The following MAP2K5 variants were observed in gnomAD, a reference collection of about 807,000 sequenced individuals.
MAP2K5 encodes the protein mitogen-activated protein kinase kinase 5.
In MAP2K5, 49 loss-of-function variants were observed where a neutral mutation model predicts 83.1. That is an observed-to-expected ratio of 0.59 (90% CI 0.47 to 0.75). The LOEUF is 0.75. MAP2K5 is among the 30% of genes least tolerant of loss of function. MAP2K5 has a pLI of 0.00. For synonymous variants in MAP2K5, 202 were observed against 191.8 expected, an observed-to-expected ratio of 1.05 and a Z score of -0.44; for missense variants, 457 against 557.5, an observed-to-expected ratio of 0.82 and a Z score of 1.82.
intron 1 of MAP2K5, chr15:67,546,434 C>T (rs1355952362): frequency 5.0e-6 from 1 of 199,188 alleles, no homozygotes; most frequent in Non-Finnish European, 9.0e-6. Context: ...AACTGAGTGT[C>T]TCGGACCTGA....
intron 21 of MAP2K5, among the ~76,000 whole-genome samples, chr15:67,797,499 G>A (rs1388121138): frequency 1.3e-5 from 2 of 152,176 alleles, no homozygotes; most frequent in African/African-American, 4.8e-5. Flanking sequence ...GAGATATTCT[G>A]TTGCCCTCTA....
At chr15:67,669,276 ATAAG>A (rs556040311) in intron 13 of MAP2K5, among the ~76,000 whole-genome samples, 47 of 152,288 alleles carry the variant, frequency 3.1e-4, no homozygotes, top group South Asian at 4.1e-4. Context: ...AACATACATA[ATAAG>A]TAAGTAAAAT....
rs151222203 is a variant in MAP2K5, at chr15:67,733,199, G to C, written c.1074+5254G>C. ...TATGGTTCACTCTGAAATCCTTGAA[G>C]ACATCAGACTTGATCTGATGTTTAT... On this transcript the variant is annotated intron_variant, in intron 17 of 21. Coordinates refer to ENST00000178640, the MANE Select transcript of MAP2K5 (RefSeq NM_145160.3). Among the ~76,000 whole-genome samples the C allele has an allele frequency of 3.6e-3, 554 of 152,292 alleles. 5 individuals are homozygous for C. Among genetic ancestry groups the C allele is most frequent in the African/African-American group, 0.012 (517 of 41,566 alleles).
intron 12 of MAP2K5, among the ~76,000 whole-genome samples, 158 bp from the exon 13 acceptor site, chr15:67,664,439 T>A (rs1245631019): frequency 6.7e-6 from 1 of 149,292 alleles, no homozygotes; most frequent in Non-Finnish European, 1.5e-5. Context: ...AGGTCAAGGC[T>A]ACAGTGAGCA....
chr15:67,663,306 T>C (rs2141150887), intron 12 of MAP2K5, among the ~76,000 whole-genome samples: 1 of 152,334 alleles, frequency 6.6e-6, no homozygotes. Flanking sequence ...ATTCTGGTCC[T>C]ACTCCAGTCT....
Position 67,769,659 on chromosome 15 carries a change from CAGT to C in MAP2K5, c.1193_1195del (p.Gln398_Cys399delinsArg). On this transcript the variant is annotated inframe_deletion and splice_region_variant, in exon 20 of 22. Coordinates refer to ENST00000178640, the MANE Select transcript of MAP2K5 (RefSeq NM_145160.3). This position sits in a 1 kb window ranked among gnomAD's most constrained non-coding sequence, Gnocchi z 5.2. ...GGAGCCATTTGTACATTTCATCACT[CAGT>C]GGTGAGCCCGTTTACAAACATGCCA... The C allele has an allele frequency of 6.2e-7, 1 of 1,613,558 alleles. No individual in the cohort carries two copies. Among genetic ancestry groups the C allele is most frequent in the Non-Finnish European group, 8.5e-7 (1 of 1,179,600 alleles).
chr15:67,579,756 T>C (rs911610567), intron 3 of MAP2K5, among the ~76,000 whole-genome samples: 5 of 152,112 alleles, frequency 3.3e-5, no homozygotes, highest in Admixed American at 1.3e-4. Context: ...AATAGGAAGA[T>C]ATATGTGATA....
At chr15:67,628,078 G>A (rs1183597831) in intron 8 of MAP2K5, 103 of 747,420 alleles carry the variant, frequency 1.4e-4, no homozygotes, top group Middle Eastern at 3.8e-4. Context: ...GCAAGGCCAC[G>A]CAAGGTGGAC....
Position 67,746,548 on chromosome 15 carries a change from T to G in MAP2K5, c.1075-1683T>G, listed in dbSNP as rs2089609657. ...GTATTTTTTTAAAGGTAGTTTGGCT[T>G]GTTACTGAAATTCTTAACCACTTCC... On this transcript the variant is annotated intron_variant, in intron 17 of 21. Transcript: ENST00000178640. This position sits in a 1 kb window ranked among gnomAD's most constrained non-coding sequence, Gnocchi z 4.1. 6.6e-6 allele frequency among the ~76,000 whole-genome samples: 1 copy of G among 152,146 alleles called. No homozygotes were observed. Among genetic ancestry groups the G allele is most frequent in the African/African-American group, 2.4e-5 (1 of 41,420 alleles).
At chr15:67,571,434 C>T (rs1000507829) in intron 3 of MAP2K5, among the ~76,000 whole-genome samples, 5 of 152,188 alleles carry the variant, frequency 3.3e-5, no homozygotes, top group African/African-American at 4.8e-5. Flanking sequence ...GGAGGGGATA[C>T]TGACTCAACC....
intron 9 of MAP2K5, among the ~76,000 whole-genome samples, chr15:67,635,338 C>T (rs1407774309): frequency 1.3e-5 from 2 of 151,974 alleles, no homozygotes; most frequent in Non-Finnish European, 2.9e-5. Context: ...CCACGCCCGG[C>T]TAATTTTTTT....
chr15:67,680,891 G>T (rs2087800191), intron 13 of MAP2K5, among the ~76,000 whole-genome samples: 1 of 152,196 alleles, frequency 6.6e-6, no homozygotes, highest in African/African-American at 2.4e-5. Context: ...TACCCTAGAA[G>T]AAGCCTGCCT....
At chr15:67,575,433 C>T (rs2085034175) in intron 3 of MAP2K5, among the ~76,000 whole-genome samples, 1 of 152,080 alleles carries the variant, frequency 6.6e-6, no homozygotes, top group Non-Finnish European at 1.5e-5. Flanking sequence ...ACCTAGGTCA[C>T]CCATCAGCAC....
At chr15:67,721,764 A>C (rs1226388389) in intron 16 of MAP2K5, among the ~76,000 whole-genome samples, 1 of 152,164 alleles carries the variant, frequency 6.6e-6, no homozygotes, top group Non-Finnish European at 1.5e-5. Flanking sequence ...AATAGGAAAA[A>C]ATACGTGTGG....
At chr15:67,621,266 C>G (rs1321486296) in intron 8 of MAP2K5, among the ~76,000 whole-genome samples, 1 of 151,518 alleles carries the variant, frequency 6.6e-6, no homozygotes, top group Non-Finnish European at 1.5e-5. Context: ...TATGAAAACT[C>G]CTGAGATGCA....
At chr15:67,773,439 G>A (rs1020139215) in intron 21 of MAP2K5, among the ~76,000 whole-genome samples, 2 of 152,180 alleles carry the variant, frequency 1.3e-5, no homozygotes, top group African/African-American at 2.4e-5. Context: ...TCTTTCTAAT[G>A]TTTTGCATAC....
chr15:67,752,137 C>T (rs796617854), intron 19 of MAP2K5, among the ~76,000 whole-genome samples: 3 of 152,148 alleles, frequency 2.0e-5, no homozygotes, highest in African/African-American at 7.2e-5. Flanking sequence ...ACAACCTCCG[C>T]TCACGGCAAC....
At position 67,550,083 on chromosome 15, in the gene MAP2K5, G is replaced by A. The variant is rs1245305548; in HGVS notation, c.184+1G>A. ...GAAGCAACAACTACAGCATTTGAAT[G>A]TAAGTCTGGCTTGTATACTTTCTTG... On this transcript the variant is annotated splice_donor_variant, in intron 2 of 21. Transcript: ENST00000178640. LOFTEE classifies it high-confidence loss of function. 8.1e-6 allele frequency: 13 copies of A among 1,613,100 alleles called. No homozygotes were observed. Among genetic ancestry groups the A allele is most frequent in the Non-Finnish European group, 1.1e-5 (13 of 1,179,152 alleles).
chr15:67,693,697 G>T (rs1431681264), intron 15 of MAP2K5, 129 bp downstream of exon 15: 1 of 650,136 alleles, frequency 1.5e-6, no homozygotes, highest in Non-Finnish European at 2.7e-6. Flanking sequence ...AGTCAATCTA[G>T]TCATGATCTG....
Sources: allele counts gnomAD v4.1 joint callset (sites outside exome capture counted in the v4.1 genomes callset), GRCh38; gene constraint gnomAD v4.1.1; non-coding constraint Gnocchi (gnomAD v3.1); transcripts MANE v1.5; gene names NCBI Gene and HGNC (gene_info 2026-07-23, HGNC 2026-07-21).